Variants in GCNT2 observed in about 807,000 individuals in gnomAD.
GCNT2 encodes the protein glucosaminyl (N-acetyl) transferase 2 (I blood group).
Under a neutral mutation model 34.2 loss-of-function variants are expected in GCNT2, and 34 were observed. That is an observed-to-expected ratio of 1.00 (90% CI 0.76 to 1.32). The LOEUF (loss-of-function observed/expected upper bound fraction) is 1.32. GCNT2 is among the 40% of genes most tolerant of loss of function. GCNT2 has a pLI of 0.00. For missense variants in GCNT2, 584 were observed against 489.4 expected (o/e 1.19, Z -1.82); for synonymous variants, 212 against 188.0 (o/e 1.13, Z -1.04).
rs937874777 is a variant in GCNT2, at chr6:10,529,787, C to T, written c.876C>T (p.Asp292=). The change falls in exon 3 of 5, where the codon GAC becomes GAT. Residue 292 remains aspartate, a synonymous_variant. Transcript: ENST00000495262. ...LALDLLSWSK[D]TYSPDEHFWV... is the part of the protein sequence containing the mutation. ...TTGACTTACTCTCCTGGTCCAAGGA[C>T]ACCTACAGCCCCGACGAACATTTCT... 6.2e-7 allele frequency: 1 copy of T among 1,614,058 alleles called. No homozygotes were observed. The highest frequency in any genetic ancestry group is 1.3e-5 in the African/African-American group (1 of 74,944).
intron 3 of GCNT2, among the ~76,000 whole-genome samples, chr6:10,611,976 G>T (rs1188475610): frequency 1.3e-5 from 2 of 151,698 alleles, no homozygotes; most frequent in Non-Finnish European, 2.9e-5. Context: ...TGTTTTTGTG[G>T]GGTTTTTTTT....
intron 3 of GCNT2, among the ~76,000 whole-genome samples, chr6:10,547,285 G>C (rs931548646): frequency 1.3e-5 from 2 of 152,188 alleles, no homozygotes; most frequent in Non-Finnish European, 2.9e-5. Flanking sequence ...CAAGTGATAA[G>C]TAGCATTACT....
chr6:10,531,158 A>C (rs943664818), intron 3 of GCNT2, among the ~76,000 whole-genome samples: 1 of 152,160 alleles, frequency 6.6e-6, no homozygotes, highest in African/African-American at 2.4e-5. Context: ...CACCAATTAT[A>C]AACCAGGTCT....
intron 3 of GCNT2, among the ~76,000 whole-genome samples, chr6:10,579,940 T>C (rs1763999158): frequency 6.6e-6 from 1 of 152,100 alleles, no homozygotes; most frequent in Non-Finnish European, 1.5e-5. Context: ...TGAACTTACT[T>C]CACCTACTGC....
chr6:10,602,458 T>G (rs975621789), intron 3 of GCNT2, among the ~76,000 whole-genome samples: 2 of 152,250 alleles, frequency 1.3e-5, no homozygotes, highest in Non-Finnish European at 2.9e-5. Context: ...GTGCCAGGCC[T>G]AGGTTATTTG....
intron 3 of GCNT2, among the ~76,000 whole-genome samples, chr6:10,602,881 G>A (rs994009631): frequency 6.6e-6 from 1 of 152,232 alleles, no homozygotes; most frequent in Non-Finnish European, 1.5e-5. Context: ...ACAGTTCAGG[G>A]CAAACTGTGT....
rs1765841341 is a variant in GCNT2, at chr6:10,617,664, G to A, written c.926-3687G>A. ...TCCTATTTAAGATGGAGTTGCTCTG[G>A]TTCACAGGCCTCTGACACCTCAGCC... is the stretch of plus-strand genomic sequence containing the variant. On this transcript the variant is annotated intron_variant, in intron 3 of 4. Transcript: ENST00000495262. 3.3e-5 allele frequency among the ~76,000 whole-genome samples: 5 copies of A among 151,934 alleles called. No individual in the cohort carries two copies. In the South Asian group the frequency reaches 1.0e-3, roughly 32 times the overall value.
At chr6:10,554,216 AG>A (rs1762598543) in intron 3 of GCNT2, among the ~76,000 whole-genome samples, 1 of 152,214 alleles carries the variant, frequency 6.6e-6, no homozygotes, top group Non-Finnish European at 1.5e-5. Flanking sequence ...TAATGCAATA[AG>A]GGATTTTTTT....
intron 3 of GCNT2, among the ~76,000 whole-genome samples, chr6:10,545,508 CTG>C (rs761737136): frequency 1.7e-4 from 26 of 152,220 alleles, no homozygotes; most frequent in Non-Finnish European, 3.2e-4. Context: ...GGATTCATAA[CTG>C]TGTCTCTTTC....
rs1315348270 is a variant in GCNT2, at chr6:10,628,213, G to GA, written c.*1612dup. ...ACTGAGAAAAAGTCCTGTCAGTTCA[G>GA]AAAAAATGTGAAGTCTACTTTAGTA... is the stretch of plus-strand genomic sequence containing the variant. On this transcript the variant is annotated 3_prime_UTR_variant, in exon 5 of 5. Transcript: ENST00000495262. 1.3e-5 allele frequency: 2 copies of GA among 152,600 alleles called. No homozygotes were observed. Among genetic ancestry groups the GA allele is most frequent in the East Asian group, 1.9e-4 (1 of 5,182 alleles). 9.5% of individuals were successfully genotyped at this position (152,600 alleles called of 1,614,324 possible).
chr6:10,604,687 C>A (rs977296310), intron 3 of GCNT2, among the ~76,000 whole-genome samples: 1 of 151,816 alleles, frequency 6.6e-6, no homozygotes, highest in Non-Finnish European at 1.5e-5. Flanking sequence ...ATGGTGAAAC[C>A]CCATTTCTAC....
chr6:10,603,839 T>TA (rs1765188278), intron 3 of GCNT2, among the ~76,000 whole-genome samples: 1 of 126,684 alleles, frequency 7.9e-6, no homozygotes, highest in Non-Finnish European at 1.7e-5. Context: ...TTTTTTTTTT[T>TA]AATAATGCTA....
chr6:10,599,128 T>C (rs1309278706), intron 3 of GCNT2, among the ~76,000 whole-genome samples: 3 of 152,102 alleles, frequency 2.0e-5, no homozygotes, highest in Admixed American at 2.0e-4. Flanking sequence ...GCAGCTTGAA[T>C]TCCCTCCGTC....
rs1053876408 is a variant in GCNT2, at chr6:10,558,244, TAGAAC to T, written c.925+28412_925+28416del. On this transcript the variant is annotated intron_variant, in intron 3 of 4. Coordinates refer to ENST00000495262, the MANE Select transcript of GCNT2 (RefSeq NM_145649.5). ...ATCTCATTAACTGCTCCTCAGTGCT[TAGAAC>T]AGAGAGTAAATGCTCAATAAGTATA... Among the ~76,000 whole-genome samples, 38 of 152,308 alleles carry T rather than the reference TAGAAC, an allele frequency of 2.5e-4. No individual in the cohort carries two copies. In the Middle Eastern group the frequency reaches 0.024, roughly 95 times the overall value.
intron 3 of GCNT2, among the ~76,000 whole-genome samples, chr6:10,545,252 T>C (rs1762220886): frequency 6.6e-6 from 1 of 152,148 alleles, no homozygotes; most frequent in South Asian, 2.1e-4. Flanking sequence ...TTTACTTTTT[T>C]GGCTTTTTCC....
intron 3 of GCNT2, among the ~76,000 whole-genome samples, chr6:10,549,355 T>A (rs1289978268): frequency 3.3e-5 from 5 of 152,136 alleles, no homozygotes; most frequent in Admixed American, 3.3e-4. Context: ...TATATTTCAT[T>A]TCTGTTGAGT....
chr6:10,562,670 A>AC (rs1236869089), intron 3 of GCNT2, among the ~76,000 whole-genome samples: 9 of 149,746 alleles, frequency 6.0e-5, no homozygotes, highest in African/African-American at 1.2e-4. Flanking sequence ...AAAAAAAAAA[A>AC]AAAAAAACAA....
chr6:10,603,080 C>T (rs1239732031), intron 3 of GCNT2, among the ~76,000 whole-genome samples: 1 of 152,146 alleles, frequency 6.6e-6, no homozygotes, highest in East Asian at 1.9e-4. Flanking sequence ...TCAAGTGCTG[C>T]AAACAACAGA....
intron 3 of GCNT2, among the ~76,000 whole-genome samples, chr6:10,536,361 TTC>T (rs1209960159): frequency 2.6e-5 from 4 of 151,800 alleles, no homozygotes; most frequent in African/African-American, 7.3e-5. Context: ...TGTCAACTTC[TTC>T]TTTTTTTTTT....
Sources: allele counts gnomAD v4.1 joint callset (sites outside exome capture counted in the v4.1 genomes callset), GRCh38; gene constraint gnomAD v4.1.1; transcripts MANE v1.5; gene names NCBI Gene and HGNC (gene_info 2026-07-23, HGNC 2026-07-21).